The following PTPN13 variants were observed in gnomAD, a reference collection of about 807,000 sequenced individuals.
PTPN13 encodes tyrosine-protein phosphatase non-receptor type 13.
In PTPN13, 191 loss-of-function variants were observed where a neutral mutation model predicts 284.0. The ratio of observed to expected loss-of-function variants is 0.67; its 90% CI spans 0.60 to 0.76. The LOEUF is 0.76. PTPN13 is among the 30% of genes least tolerant of loss of function. PTPN13 has a pLI of 0.00. For synonymous variants in PTPN13, 986 were observed against 1,022.3 expected (o/e 0.96, Z 0.68); for missense variants, 2,797 against 2,939.9 (o/e 0.95, Z 1.12).
chr4:86,755,196 G>T, intron 20 of PTPN13, among the ~76,000 whole-genome samples: 1 of 151,718 alleles, frequency 6.6e-6, no homozygotes, highest in Admixed American at 6.6e-5. Context: ...TATTATATTC[G>T]CTCTTACCTT....
At chr4:86,785,963 G>A (rs1257362395) in intron 40 of PTPN13, 27 bp downstream of exon 40, 3 of 1,286,828 alleles carry the variant, frequency 2.3e-6, no homozygotes, top group African/African-American at 3.0e-5. Flanking sequence ...AACAACCTAG[G>A]ATATGACAGC....
chr4:86,758,165 AAC>A, intron 20 of PTPN13, 93 bp from the exon 21 acceptor site: 1 of 766,466 alleles, frequency 1.3e-6, no homozygotes. Flanking sequence ...CTGAGCAATT[AAC>A]ACACTTTGTT....
intron 2 of PTPN13, among the ~76,000 whole-genome samples, chr4:86,658,549 A>T (rs1220772947): frequency 2.6e-5 from 4 of 152,136 alleles, no homozygotes; most frequent in Non-Finnish European, 5.9e-5. Context: ...GGTTATTTTT[A>T]AAAACTTCTG....
chr4:86,632,945 A>G (rs1722621356), intron 1 of PTPN13, among the ~76,000 whole-genome samples: 1 of 151,946 alleles, frequency 6.6e-6, no homozygotes, highest in Non-Finnish European at 1.5e-5. Flanking sequence ...AATAGGTAGG[A>G]CTACAGTAGG....
intron 35 of PTPN13, among the ~76,000 whole-genome samples, chr4:86,776,765 G>A (rs1262930757): frequency 6.6e-6 from 1 of 152,202 alleles, no homozygotes; most frequent in Non-Finnish European, 1.5e-5. Context: ...ATAATAAAGT[G>A]TTGAATATCT....
chr4:86,610,636 T>A (rs1338110143), intron 1 of PTPN13, among the ~76,000 whole-genome samples: 3 of 152,246 alleles, frequency 2.0e-5, no homozygotes, highest in Non-Finnish European at 2.9e-5. Flanking sequence ...CTCCAATTTT[T>A]ATATGAAATC....
chr4:86,651,238 C>A (rs971704581), intron 2 of PTPN13, among the ~76,000 whole-genome samples: 5 of 152,220 alleles, frequency 3.3e-5, no homozygotes, highest in Non-Finnish European at 7.3e-5. Context: ...CCATGTTGAA[C>A]TATCCTTCCA....
chr4:86,814,507 C>T lies in PTPN13; in HGVS notation c.7414C>T (p.Gln2472Ter), dbSNP rs1228344277. 1 of 1,612,860 alleles carries T rather than the reference C, an allele frequency of 6.2e-7. No homozygotes were observed. The highest frequency in any genetic ancestry group is 8.5e-7 in the Non-Finnish European group (1 of 1,179,602). ...QVILYVLTRL[Q>*]AEEEQKQQPQ... ...CATCCTTTATGTCCTGACACGTCTT[C>T]AAGCAGAAGAAGAGCAAAAACAGCA... The change falls in exon 48 of 48, where the codon CAA becomes TAA. Residue 2472 changes from glutamine to a stop codon, truncating the protein, a stop_gained. Coordinates refer to ENST00000411767, the MANE Select transcript of PTPN13 (RefSeq NM_080683.3). LOFTEE classifies it high-confidence loss of function.
chr4:86,701,308 C>T lies in PTPN13; in HGVS notation c.702C>T (p.Asn234=), dbSNP rs370482285. ...KPPLSHQTFL[N]KGLSKSMGFL... is the part of the protein sequence containing the mutation. ...CACTCTCTCATCAGACCTTTCTTAA[C>T]AAAGGGCTTAGTAAATCTATGGGAT... is the stretch of plus-strand genomic sequence containing the variant. The change falls in exon 7 of 48, where the codon AAC becomes AAT. Residue 234 remains asparagine, a synonymous_variant. Transcript: ENST00000411767. 9.9e-6 allele frequency: 16 copies of T among 1,611,986 alleles called. No individual in the cohort carries two copies. In the African/African-American group the frequency reaches 1.7e-4, roughly 17 times the overall value.
intron 3 of PTPN13, among the ~76,000 whole-genome samples, chr4:86,683,088 T>G (rs1729072421): frequency 6.6e-6 from 1 of 152,192 alleles, no homozygotes; most frequent in South Asian, 2.1e-4. Context: ...TCTATAGAGA[T>G]ATTTCATACT....
At position 86,745,090 on chromosome 4, in the gene PTPN13, T is replaced by A. The variant is rs757714961; in HGVS notation, c.2612T>A (p.Met871Lys). The change falls in exon 17 of 48, where the codon ATG becomes AAG. Residue 871 changes from methionine (M) to lysine (K), a missense_variant. Physicochemically the swap from Met to Lys is moderately conservative, Grantham distance 95 (BLOSUM62 -1). Transcript: ENST00000411767. ...CSYQHKFQLQ[M>K]RARQSNQDAQ... is the part of the protein sequence containing the mutation. Reference sequence around the variant, plus strand: ...TACCAGCATAAGTTCCAGCTACAGATGAGAGCAAGACAGAGCAACCAAGAT... The same window carrying A: ...TACCAGCATAAGTTCCAGCTACAGAAGAGAGCAAGACAGAGCAACCAAGAT... 6 of 1,613,198 alleles carry A rather than the reference T, an allele frequency of 3.7e-6. No homozygotes were observed. Among genetic ancestry groups the A allele is most frequent in the East Asian group, 2.2e-5 (1 of 44,836 alleles).
intron 1 of PTPN13, among the ~76,000 whole-genome samples, chr4:86,630,313 A>C (rs1253343501): frequency 6.6e-6 from 1 of 152,152 alleles, no homozygotes; most frequent in African/African-American, 2.4e-5. Flanking sequence ...ATATAGTAAG[A>C]CTTATGTATA....
At chr4:86,705,161 C>T (rs536343055) in intron 7 of PTPN13, among the ~76,000 whole-genome samples, 1 of 151,790 alleles carries the variant, frequency 6.6e-6, no homozygotes, top group African/African-American at 2.4e-5. Flanking sequence ...CGGTGAAACC[C>T]CATCTCTACT....
At chr4:86,767,597 C>T (rs1739482098) in intron 27 of PTPN13, among the ~76,000 whole-genome samples, 1 of 151,954 alleles carries the variant, frequency 6.6e-6, no homozygotes, top group Admixed American at 6.6e-5. Flanking sequence ...TCTTTTTAAT[C>T]ATTTATCTTT....
chr4:86,762,763 A>G lies in PTPN13; in HGVS notation c.3590A>G (p.Lys1197Arg). The change falls in exon 24 of 48, where the codon AAA becomes AGA. Residue 1197 changes from lysine (K) to arginine (R), a missense_variant. Physicochemically the swap from Lys to Arg is conservative, Grantham distance 26 (BLOSUM62 2). Transcript: ENST00000411767. Reference sequence around the variant, plus strand: ...CCTGTGCATCTCACCAATGAGATGAAAAACTACATGAAGAAATCTTCCTAC... The same window carrying G: ...CCTGTGCATCTCACCAATGAGATGAGAAACTACATGAAGAAATCTTCCTAC... ...STPVHLTNEM[K>R]NYMKKSSYMQ... is the part of the protein sequence containing the mutation. 1.9e-6 allele frequency: 3 copies of G among 1,604,860 alleles called. No individual in the cohort carries two copies. The highest frequency in any genetic ancestry group is 2.6e-6 in the Non-Finnish European group (3 of 1,172,128).
chr4:86,771,511 C>T lies in PTPN13; in HGVS notation c.5144C>T (p.Pro1715Leu). ...ATGTTTTACTATCCTCAGAAAATTC[C>T]CAATAAACCAGAGTTTGAGGACAGG... is the stretch of plus-strand genomic sequence containing the variant. ...CTMFYYPQKI[P>L]NKPEFEDSNP... Residue 1715 changes from proline (P) to leucine (L), a missense_variant, in exon 31 of 48, where the codon CCC becomes CTC. Transcript: ENST00000411767. 6.4e-7 allele frequency: 1 copy of T among 1,570,354 alleles called. No individual in the cohort carries two copies. The highest frequency in any genetic ancestry group is 8.7e-7 in the Non-Finnish European group (1 of 1,155,106).
At chr4:86,767,735 C>A in intron 27 of PTPN13, 82 bp from the exon 28 acceptor site, 1 of 1,121,528 alleles carries the variant, frequency 8.9e-7, no homozygotes, top group Non-Finnish European at 1.2e-6. Flanking sequence ...GATTTTATAC[C>A]ATTAACTATA....
chr4:86,812,839 A>G (rs1419409437), intron 47 of PTPN13, among the ~76,000 whole-genome samples: 1 of 152,092 alleles, frequency 6.6e-6, no homozygotes, highest in African/African-American at 2.4e-5. Flanking sequence ...TCTGACTCAC[A>G]TTTTAAAGGA....
At chr4:86,595,382 C>T (rs1196720766) in intron 1 of PTPN13, among the ~76,000 whole-genome samples, 1 of 151,956 alleles carries the variant, frequency 6.6e-6, no homozygotes, top group Non-Finnish European at 1.5e-5. Context: ...CTCCGGCCCC[C>T]TAGCCCCACC....
Sources: allele counts gnomAD v4.1 joint callset (sites outside exome capture counted in the v4.1 genomes callset), GRCh38; gene constraint gnomAD v4.1.1; transcripts MANE v1.5; gene names NCBI Gene and HGNC (gene_info 2026-07-23, HGNC 2026-07-21).